The following FAM107B variants were observed in gnomAD, a reference collection of about 807,000 sequenced individuals.
FAM107B encodes the protein protein FAM107B.
FAM107B carries 21 observed loss-of-function variants against 31.5 expected under a neutral mutation model. The ratio of observed to expected loss-of-function variants is 0.67; its 90% CI spans 0.47 to 0.96. The LOEUF is 0.96. Among genes scored for constraint, FAM107B ranks in the 40% least tolerant of loss-of-function variants. FAM107B has a pLI of 0.00. For missense variants in FAM107B, 452 were observed against 377.1 expected (o/e 1.20, Z -1.64); for synonymous variants, 157 against 141.5 (o/e 1.11, Z -0.78).
intron 2 of FAM107B, among the ~76,000 whole-genome samples, chr10:14,655,697 G>T (rs895368842): frequency 3.3e-4 from 50 of 152,244 alleles, no homozygotes; most frequent in African/African-American, 1.2e-3. Context: ...GGAACAGGAG[G>T]AGAGGTGGGA....
At chr10:14,748,801 C>A (rs989479129) in intron 1 of FAM107B, among the ~76,000 whole-genome samples, 1 of 152,210 alleles carries the variant, frequency 6.6e-6, no homozygotes, top group Non-Finnish European at 1.5e-5. Context: ...CAACTACAAA[C>A]CCTGACTAAT....
At chr10:14,616,184 T>C (rs78566009) in intron 2 of FAM107B, among the ~76,000 whole-genome samples, 17,793 of 152,166 alleles carry the variant, frequency 0.12, 1,319 homozygotes, top group Admixed American at 0.26. Context: ...AGTATCTTTA[T>C]TGAAAATTTT....
chr10:14,771,343 A>G (rs6602763), intron 1 of FAM107B, among the ~76,000 whole-genome samples: 19,514 of 152,222 alleles, frequency 0.13, 3,442 homozygotes, highest in African/African-American at 0.4. Context: ...TAGTTATTGA[A>G]TATCATTAAG....
At chr10:14,753,639 G>A (rs1832872498) in intron 1 of FAM107B, among the ~76,000 whole-genome samples, 1 of 151,638 alleles carries the variant, frequency 6.6e-6, no homozygotes, top group South Asian at 2.1e-4. Flanking sequence ...GAAATAAGGG[G>A]AAAGGAATGA....
rs1000310497 is a variant in FAM107B, at chr10:14,660,306, T to C, written c.469+7328A>G. Among the ~76,000 whole-genome samples, 5 of 152,122 alleles carry C rather than the reference T, an allele frequency of 3.3e-5. No individual in the cohort carries two copies. The South Asian group carries it at 6.2e-4, about 19-fold the overall frequency. Reference sequence around the variant, plus strand: ...AAAACCTGGCCTGTTTCTAAAGCAATGCATGGTTTAAGAGGAATGGCAAAT... The same window carrying C: ...AAAACCTGGCCTGTTTCTAAAGCAACGCATGGTTTAAGAGGAATGGCAAAT... On this transcript the variant is annotated intron_variant, in intron 2 of 4. Transcript: ENST00000181796.
At chr10:14,712,031 T>C (rs745479490) in intron 1 of FAM107B, among the ~76,000 whole-genome samples, 4 of 152,200 alleles carry the variant, frequency 2.6e-5, no homozygotes, top group Non-Finnish European at 5.9e-5. Context: ...GTCTAAGGCT[T>C]AAACCTACAG....
At chr10:14,594,527 AC>A (rs1277754823) in intron 2 of FAM107B, among the ~76,000 whole-genome samples, 4 of 148,694 alleles carry the variant, frequency 2.7e-5, no homozygotes, top group African/African-American at 7.5e-5. Flanking sequence ...ACAAAAAAAA[AC>A]AAAACTGGCA....
chr10:14,592,722 T>A (rs143679418), intron 2 of FAM107B, among the ~76,000 whole-genome samples: 120 of 152,336 alleles, frequency 7.9e-4, no homozygotes, highest in African/African-American at 2.8e-3. Flanking sequence ...CATGTGCCAG[T>A]CAGAAGCGAT....
intron 2 of FAM107B, among the ~76,000 whole-genome samples, chr10:14,619,276 CTTT>C (rs1852934112): frequency 6.6e-6 from 1 of 152,168 alleles, no homozygotes; most frequent in South Asian, 2.1e-4. Flanking sequence ...TTAATGGGCA[CTTT>C]TTCCCAAAGT....
At chr10:14,538,349 G>T (rs376640509) in intron 2 of FAM107B, among the ~76,000 whole-genome samples, 1 of 152,152 alleles carries the variant, frequency 6.6e-6, no homozygotes, top group African/African-American at 2.4e-5. Context: ...AGTAAACAGC[G>T]GTGTGCTGAC....
intron 1 of FAM107B, among the ~76,000 whole-genome samples, chr10:14,670,594 C>T (rs1370291081): frequency 6.6e-6 from 1 of 152,186 alleles, no homozygotes; most frequent in Non-Finnish European, 1.5e-5. Flanking sequence ...AAAGACTCTC[C>T]CCTTTGAGCC....
At chr10:14,638,492 A>G (rs1250150853) in intron 2 of FAM107B, among the ~76,000 whole-genome samples, 1 of 152,190 alleles carries the variant, frequency 6.6e-6, no homozygotes, top group East Asian at 1.9e-4. Context: ...CTTTATCTCA[A>G]ATGCTAACTT....
At chr10:14,688,601 A>G (rs761778368) in intron 1 of FAM107B, among the ~76,000 whole-genome samples, 4 of 152,208 alleles carry the variant, frequency 2.6e-5, no homozygotes, top group Non-Finnish European at 5.9e-5. Context: ...TCTTCATAAC[A>G]AGACATACAC....
chr10:14,674,187 T>C (rs1301547785), intron 1 of FAM107B, among the ~76,000 whole-genome samples: 1 of 152,210 alleles, frequency 6.6e-6, no homozygotes, highest in African/African-American at 2.4e-5. Flanking sequence ...CACATTGGTC[T>C]AGGCAAAGGT....
At chr10:14,534,791 T>C (rs1361601210) in intron 2 of FAM107B, 3 of 152,250 alleles carry the variant, frequency 2.0e-5, no homozygotes, top group Non-Finnish European at 4.4e-5. Flanking sequence ...ATTATAGCAA[T>C]GTGGATATAA....
chr10:14,769,737 T>C (rs1242979280), intron 1 of FAM107B, among the ~76,000 whole-genome samples: 1 of 152,172 alleles, frequency 6.6e-6, no homozygotes, highest in Non-Finnish European at 1.5e-5. Flanking sequence ...AAACTACAAT[T>C]ACTATCTCTT....
At chr10:14,710,136 T>C (rs751486195) in intron 1 of FAM107B, among the ~76,000 whole-genome samples, 8 of 152,162 alleles carry the variant, frequency 5.3e-5, no homozygotes, top group African/African-American at 9.7e-5. Context: ...ATCACACTAA[T>C]ATCAGACGTT....
intron 2 of FAM107B, among the ~76,000 whole-genome samples, chr10:14,536,730 A>G (rs1013119743): frequency 6.6e-6 from 1 of 152,144 alleles, no homozygotes; most frequent in African/African-American, 2.4e-5. Context: ...ACGTCCCACC[A>G]GAGTCATCAG....
intron 2 of FAM107B, among the ~76,000 whole-genome samples, chr10:14,650,590 G>T (rs533940834): frequency 6.6e-6 from 1 of 152,158 alleles, no homozygotes; most frequent in Non-Finnish European, 1.5e-5. Flanking sequence ...CCGGCCTCTC[G>T]ATACTTATTT....
Sources: gnomAD v4.1 joint callset for allele counts (sites outside exome capture counted in the v4.1 genomes callset) on GRCh38, gnomAD v4.1.1 for gene constraint, MANE v1.5 for transcripts, NCBI Gene and HGNC (gene_info 2026-07-23, HGNC 2026-07-21) for gene names.